ORC1: variants seen among roughly 807,000 people sequenced by gnomAD.
The protein encoded by ORC1 is origin recognition complex subunit 1, also known as origin recognition complex, subunit 1 homolog.
ORC1 carries 61 observed loss-of-function variants against 98.9 expected under a neutral mutation model. The ratio of observed to expected loss-of-function variants is 0.62; its 90% CI spans 0.50 to 0.76. The LOEUF is 0.76. Among genes scored for constraint, ORC1 ranks in the 30% least tolerant of loss-of-function variants. The pLI is 0.00. For synonymous variants in ORC1, 385 were observed against 406.9 expected (o/e 0.95, Z 0.65); for missense variants, 979 against 1,072.2 (o/e 0.91, Z 1.21).
At position 52,396,245 on chromosome 1, in the gene ORC1, C is replaced by G. The variant is rs994584948; in HGVS notation, c.522G>C (p.Ala174=). Residue 174 remains alanine, a synonymous_variant, in exon 5 of 17, where the codon GCG becomes GCC. Transcript: ENST00000371568. ...KFRPLSSELF[A]ELNKPQESAA... is the part of the protein sequence containing the mutation. ...CACTCTCTTGTGGTTTATTCAACTCCGCAAATAGTTCTGAGGAAAGTGGCC... is the reference window on the plus strand; with the variant it reads ...CACTCTCTTGTGGTTTATTCAACTCGGCAAATAGTTCTGAGGAAAGTGGCC... 3 of 1,614,178 alleles carry G rather than the reference C, an allele frequency of 1.9e-6. No individual in the cohort carries two copies. Among genetic ancestry groups the G allele is most frequent in the Admixed American group, 1.7e-5 (1 of 60,024 alleles).
chr1:52,403,066 T>C (rs1047139402), intron 1 of ORC1, among the ~76,000 whole-genome samples: 3 of 152,244 alleles, frequency 2.0e-5, no homozygotes, highest in South Asian at 2.1e-4. Context: ...ATAATGTTAA[T>C]ATGTAACTGA....
chr1:52,408,128 C>A (rs1648051484), upstream of ORC1, among the ~76,000 whole-genome samples: 1 of 150,356 alleles, frequency 6.7e-6, no homozygotes, highest in African/African-American at 2.5e-5. Context: ...GTAATCCTCG[C>A]TACATGGAGG....
At chr1:52,384,491 C>T in intron 11 of ORC1, 59 bp downstream of exon 11, 2 of 1,486,704 alleles carry the variant, frequency 1.3e-6, no homozygotes, top group Non-Finnish European at 1.9e-6. Flanking sequence ...TAACTCTTTC[C>T]TTTTTCATGT....
At chr1:52,386,031 G>C in intron 8 of ORC1, 82 bp from the exon 9 acceptor site, 1 of 1,024,854 alleles carries the variant, frequency 9.8e-7, no homozygotes, top group Admixed American at 2.0e-5. Context: ...GATTTGTGCT[G>C]ATCTGATAAA....
At chr1:52,389,138 A>G (rs1210150579) in intron 7 of ORC1, 79 bp downstream of exon 7, 3 of 1,030,772 alleles carry the variant, frequency 2.9e-6, no homozygotes, top group Admixed American at 1.7e-5. Flanking sequence ...AATAAACAGT[A>G]TAAGAGGCAT....
chr1:52,381,810 T>C (rs1358484439), intron 13 of ORC1, 49 bp from the exon 14 acceptor site: 9 of 1,605,766 alleles, frequency 5.6e-6, no homozygotes, highest in Non-Finnish European at 6.8e-6. Context: ...TGCCCAGTGA[T>C]TATCCAGGTG....
chr1:52,374,965 G>C (rs1646975398), intron 15 of ORC1, 68 bp from the exon 16 acceptor site: 2 of 987,200 alleles, frequency 2.0e-6, no homozygotes, highest in Non-Finnish European at 3.2e-6. Flanking sequence ...GAAAGCCAAA[G>C]AAAACTTTTC....
chr1:52,403,409 G>A (rs1368224283), intron 1 of ORC1, among the ~76,000 whole-genome samples: 2 of 152,016 alleles, frequency 1.3e-5, no homozygotes, highest in African/African-American at 4.8e-5. Context: ...ATTCAATTTC[G>A]GCAGATTCAC....
chr1:52,400,820 C>T (rs903254341), intron 3 of ORC1, among the ~76,000 whole-genome samples: 1 of 152,200 alleles, frequency 6.6e-6, no homozygotes, highest in Non-Finnish European at 1.5e-5. Context: ...CCTGCACTTA[C>T]TCATCTCTGG....
At position 52,396,432 on chromosome 1, in the gene ORC1, G is replaced by A. The variant is rs868175800; in HGVS notation, c.403-68C>T. ...AAGAGAGCCAAGGAGTATTCCATCAGAGCTACAATTAAAAACATTGAAGTC... is the reference window on the plus strand; with the variant it reads ...AAGAGAGCCAAGGAGTATTCCATCAAAGCTACAATTAAAAACATTGAAGTC... On this transcript the variant is annotated intron_variant, in intron 4 of 16. Coordinates refer to ENST00000371568, the MANE Select transcript of ORC1 (RefSeq NM_004153.4). 5.6e-6 allele frequency: 9 copies of A among 1,597,764 alleles called. No homozygotes were observed. The Middle Eastern group carries it at 5.0e-4, about 88-fold the overall frequency.
intron 9 of ORC1, 119 bp downstream of exon 9, chr1:52,385,721 GATAGGTAAAAGT>G (rs1215853315): frequency 6.8e-6 from 5 of 734,272 alleles, no homozygotes; most frequent in Non-Finnish European, 1.2e-5. Context: ...ACTTTACCTA[GATAGGTAAAAGT>G]ATAGACACAC....
intron 5 of ORC1, among the ~76,000 whole-genome samples, chr1:52,394,754 T>C (rs1435993228): frequency 6.6e-6 from 1 of 152,140 alleles, no homozygotes; most frequent in Non-Finnish European, 1.5e-5. Flanking sequence ...GTTCAAGAGA[T>C]TCTCCTGCCT....
In ORC1 at chr1:52,375,522, C is replaced by T. The variant is rs1015775311; in HGVS notation, c.2211G>A (p.Gln737=). Residue 737 remains glutamine, a synonymous_variant, in exon 15 of 17, where the codon CAG becomes CAA. Transcript: ENST00000371568. ...CCAGGCCAGGGGAGTCAGGCTTCTG[C>T]TGGGAGAACTCACAGATCTCTGTGG... The part of the protein sequence containing the change: ...RRATEICEFS[Q]QKPDSPGLVT... 2.5e-6 allele frequency: 4 copies of T among 1,614,060 alleles called. No individual in the cohort carries two copies. Among genetic ancestry groups the T allele is most frequent in the African/African-American group, 2.7e-5 (2 of 74,928 alleles).
chr1:52,404,419 G>T lies in ORC1; in HGVS notation c.-179C>A, dbSNP rs1265848899. ...TCTCACTAGAAATGAAAAGAAGGTG[G>T]AAGGAGAAAAGAAAACTTCGCGCCA... On this transcript the variant is annotated 5_prime_UTR_variant, in exon 1 of 17. Transcript: ENST00000371568. The T allele has an allele frequency of 4.5e-6, 1 of 221,198 alleles. No homozygotes were observed. The highest frequency in any genetic ancestry group is 9.3e-6 in the Non-Finnish European group (1 of 108,026). 13.7% of individuals were successfully genotyped at this position (221,198 alleles called of 1,614,324 possible). A position where few individuals can be genotyped will look rare whatever the true frequency, so the allele number is the denominator to read the frequency against.
At chr1:52,402,089 A>C (rs1419384246) in intron 2 of ORC1, 40 bp downstream of exon 2, 3 of 1,404,290 alleles carry the variant, frequency 2.1e-6, no homozygotes, top group East Asian at 4.6e-5. Context: ...TAGCTTGAGA[A>C]GCTGTATTTC....
At chr1:52,385,774 G>A (rs1329812847) in intron 9 of ORC1, 78 bp downstream of exon 9, 45 of 921,892 alleles carry the variant, frequency 4.9e-5, no homozygotes, top group Non-Finnish European at 2.7e-5. Context: ...GTAGACCAGT[G>A]ACTGCTAATT....
chr1:52,403,642 C>A (rs1647838781), intron 1 of ORC1, among the ~76,000 whole-genome samples: 1 of 152,170 alleles, frequency 6.6e-6, no homozygotes, highest in Non-Finnish European at 1.5e-5. Flanking sequence ...CCAACTGTCA[C>A]AGCAGAAGAC....
At position 52,383,918 on chromosome 1, in the gene ORC1, G is replaced by A. The variant is rs1647107182; in HGVS notation, c.1775C>T (p.Ala592Val). The A allele has an allele frequency of 6.2e-7, 1 of 1,614,176 alleles. No individual in the cohort carries two copies. Among genetic ancestry groups the A allele is most frequent in the African/African-American group, 1.3e-5 (1 of 75,038 alleles). The change falls in exon 12 of 17, where the codon GCA becomes GTA. Residue 592 changes from alanine (A) to valine (V), a missense_variant. By Grantham distance (64) the Ala-to-Val change is moderately conservative. Transcript: ENST00000371568. ...CAGTTCTGCCGCATGGTTGGCTGTT[G>A]CTTTTTGGCCTGTTAGCTTCTGCAT... ...QILQKLTGQKATANHAAELLA... is the reference protein window; with the variant it reads ...QILQKLTGQKVTANHAAELLA...
chr1:52,401,973 C>T (rs1569962358), intron 2 of ORC1, among the ~76,000 whole-genome samples, 156 bp downstream of exon 2: 1 of 152,170 alleles, frequency 6.6e-6, no homozygotes, highest in African/African-American at 2.4e-5. Context: ...TTTATCCCAC[C>T]ATCTTCTTGC....
Sources: allele counts gnomAD v4.1 joint callset (sites outside exome capture counted in the v4.1 genomes callset), GRCh38; gene constraint gnomAD v4.1.1; transcripts MANE v1.5; gene names NCBI Gene and HGNC (gene_info 2026-07-23, HGNC 2026-07-21).